Variants in ITSN1 observed in about 807,000 individuals in gnomAD.
The protein encoded by ITSN1 is intersectin-1.
Under a neutral mutation model 239.8 loss-of-function variants are expected in ITSN1, and 58 were observed. The ratio of observed to expected loss-of-function variants is 0.24; its 90% CI spans 0.20 to 0.30. The LOEUF is 0.30. Among genes scored for constraint, ITSN1 ranks in the 10% least tolerant of loss-of-function variants. The probability of loss-of-function intolerance (pLI) is 1.00; values close to 1 mark genes in which losing one functional copy is unlikely to be tolerated. For missense variants in ITSN1, 1,558 were observed against 2,103.3 expected, an observed-to-expected ratio of 0.74 and a Z score of 5.07; for synonymous variants, 780 against 770.8, an observed-to-expected ratio of 1.01 and a Z score of -0.20.
chr21:33,748,222 C>T (rs1029822115), intron 5 of ITSN1, among the ~76,000 whole-genome samples: 7 of 151,814 alleles, frequency 4.6e-5, no homozygotes, highest in Non-Finnish European at 7.4e-5. Context: ...ATCCCAGCAC[C>T]GTGAGAGGCT....
chr21:33,878,006 CTTTGTGTGTG>C (rs1326092789), intron 34 of ITSN1, among the ~76,000 whole-genome samples: 2 of 103,262 alleles, frequency 1.9e-5, no homozygotes, highest in African/African-American at 7.4e-5. Context: ...TTCTCTCTCT[CTTTGTGTGTG>C]TGTGTGTGTG....
chr21:33,842,920 T>G (rs2074873610), intron 29 of ITSN1, among the ~76,000 whole-genome samples: 1 of 152,006 alleles, frequency 6.6e-6, no homozygotes. Context: ...CCCTCCCATT[T>G]CCTATGCTGT....
intron 33 of ITSN1, among the ~76,000 whole-genome samples, 173 bp from the exon 34 acceptor site, chr21:33,875,181 C>T (rs1005301234): frequency 4.6e-5 from 7 of 152,152 alleles, no homozygotes; most frequent in East Asian, 1.9e-4. Context: ...AAGGAGTGGC[C>T]GTCATCTGCT....
At chr21:33,840,749 C>T (rs1325537132) in intron 29 of ITSN1, among the ~76,000 whole-genome samples, 2 of 152,228 alleles carry the variant, frequency 1.3e-5, no homozygotes, top group East Asian at 1.9e-4. Context: ...CCACCCACCT[C>T]GGCCTCCCAA....
intron 1 of ITSN1, among the ~76,000 whole-genome samples, chr21:33,667,775 C>T (rs2090018114): frequency 6.6e-6 from 1 of 152,134 alleles, no homozygotes; most frequent in Non-Finnish European, 1.5e-5. Context: ...AGTATGCGAT[C>T]TATGTAATAC....
At chr21:33,682,912 A>C (rs1160909176) in intron 1 of ITSN1, among the ~76,000 whole-genome samples, 3 of 152,008 alleles carry the variant, frequency 2.0e-5, no homozygotes, top group Non-Finnish European at 1.5e-5. Flanking sequence ...TTTATTTGTT[A>C]TGTTGCCAAT....
intron 33 of ITSN1, among the ~76,000 whole-genome samples, chr21:33,868,672 C>A (rs930876955): frequency 2.0e-5 from 3 of 152,238 alleles, no homozygotes; most frequent in African/African-American, 7.2e-5. Flanking sequence ...GCGCCGCACG[C>A]AGCCCCGGTT....
chr21:33,749,843 T>G (rs2067430215), intron 5 of ITSN1, among the ~76,000 whole-genome samples: 1 of 152,186 alleles, frequency 6.6e-6, no homozygotes, highest in African/African-American at 2.4e-5. Context: ...TTTATTTATT[T>G]TTAAATATCA....
chr21:33,847,035 G>C (rs532508358), intron 29 of ITSN1, among the ~76,000 whole-genome samples: 1 of 152,206 alleles, frequency 6.6e-6, no homozygotes, highest in Non-Finnish European at 1.5e-5. Flanking sequence ...CAGCCGCTGT[G>C]AATGAGCAGG....
chr21:33,867,675 C>T (rs567380602), intron 33 of ITSN1, among the ~76,000 whole-genome samples: 57 of 150,792 alleles, frequency 3.8e-4, no homozygotes, highest in African/African-American at 1.3e-3. Context: ...ATACTGTGTC[C>T]GGAATTGGTG....
chr21:33,778,039 GT>G (rs943103169), intron 14 of ITSN1, among the ~76,000 whole-genome samples: 10 of 152,078 alleles, frequency 6.6e-5, no homozygotes, highest in Non-Finnish European at 1.3e-4. Context: ...ATAAGTATGT[GT>G]TTTTTCTTTC....
intron 1 of ITSN1, among the ~76,000 whole-genome samples, chr21:33,670,224 ATG>A (rs1307878501): frequency 6.6e-6 from 1 of 152,196 alleles, no homozygotes; most frequent in African/African-American, 2.4e-5. Flanking sequence ...GGGTGGTGAC[ATG>A]TGCCTGTGGT....
intron 24 of ITSN1, among the ~76,000 whole-genome samples, chr21:33,821,620 C>T (rs921900509): frequency 1.3e-5 from 2 of 152,266 alleles, no homozygotes; most frequent in Non-Finnish European, 1.5e-5. Flanking sequence ...ACCCTAAAGC[C>T]ACTCTCAGAT....
intron 1 of ITSN1, among the ~76,000 whole-genome samples, chr21:33,713,336 T>G (rs1471305127): frequency 6.6e-6 from 1 of 151,898 alleles, no homozygotes; most frequent in Non-Finnish European, 1.5e-5. Context: ...GCCTCCCAGG[T>G]TCACGCCATT....
intron 1 of ITSN1, among the ~76,000 whole-genome samples, chr21:33,666,774 T>C (rs2089959653): frequency 6.6e-6 from 1 of 152,188 alleles, no homozygotes; most frequent in Non-Finnish European, 1.5e-5. Context: ...TCATAGTAAT[T>C]GTTGAGAGTT....
chr21:33,799,975 C>G, intron 19 of ITSN1, 46 bp downstream of exon 19: 2 of 1,577,764 alleles, frequency 1.3e-6, no homozygotes, highest in Non-Finnish European at 1.7e-6. Context: ...GAAGATTAGC[C>G]TCTGTCCTCT....
intron 4 of ITSN1, among the ~76,000 whole-genome samples, chr21:33,727,086 C>G (rs1247490115): frequency 6.6e-6 from 1 of 152,038 alleles, no homozygotes; most frequent in Non-Finnish European, 1.5e-5. Flanking sequence ...ACAAGAAAAC[C>G]TTAATTCTCG....
intron 17 of ITSN1, among the ~76,000 whole-genome samples, chr21:33,796,019 A>G (rs1486295705): frequency 6.7e-6 from 1 of 148,976 alleles, no homozygotes; most frequent in African/African-American, 2.5e-5. Context: ...GCTGGAGTGC[A>G]GTGGCACGAT....
At chr21:33,736,911 A>G (rs912763342) in intron 5 of ITSN1, among the ~76,000 whole-genome samples, 1 of 152,188 alleles carries the variant, frequency 6.6e-6, no homozygotes, top group Non-Finnish European at 1.5e-5. Context: ...CTTGAGCACA[A>G]GAGGTCAAGC....
Sources: gnomAD v4.1 joint callset for allele counts (sites outside exome capture counted in the v4.1 genomes callset) on GRCh38, gnomAD v4.1.1 for gene constraint, MANE v1.5 for transcripts, NCBI Gene and HGNC (gene_info 2026-07-23, HGNC 2026-07-21) for gene names.